PRKCH: variants seen among roughly 807,000 people sequenced by gnomAD.
PRKCH encodes the protein protein kinase C eta type.
PRKCH carries 28 observed loss-of-function variants against 82.5 expected under a neutral mutation model. That is an observed-to-expected ratio of 0.34 (90% CI 0.25 to 0.47). The LOEUF (loss-of-function observed/expected upper bound fraction) is 0.47, where lower values mean the gene tolerates loss of function less well. Ranked by LOEUF, PRKCH falls within the 20% of genes least tolerant of loss-of-function variation. The pLI, the probability that PRKCH is intolerant of heterozygous loss-of-function variation, is 1.00. For missense variants in PRKCH, 705 were observed against 881.8 expected, an observed-to-expected ratio of 0.80 and a Z score of 2.54; for synonymous variants, 322 against 327.4, an observed-to-expected ratio of 0.98 and a Z score of 0.18.
intron 2 of PRKCH, among the ~76,000 whole-genome samples, chr14:61,405,288 A>G (rs992719547): frequency 1.3e-5 from 2 of 152,186 alleles, no homozygotes; most frequent in Non-Finnish European, 2.9e-5. Flanking sequence ...ATTCAGTTCT[A>G]GTTATGGATT....
chr14:61,481,751 A>G (rs1885982784), intron 9 of PRKCH, among the ~76,000 whole-genome samples: 1 of 152,196 alleles, frequency 6.6e-6, no homozygotes, highest in Non-Finnish European at 1.5e-5. Context: ...CTTTCTATGC[A>G]TCTGTCTGCA....
At chr14:61,392,306 G>A (rs1180023164) in intron 2 of PRKCH, among the ~76,000 whole-genome samples, 1 of 152,096 alleles carries the variant, frequency 6.6e-6, no homozygotes, top group Non-Finnish European at 1.5e-5. Context: ...TAATAAAGTA[G>A]GTGTGTGTGT....
rs115019049 is a variant in PRKCH at position 61,249,612 on chromosome 14, A to T, written c.-19+61944A>T. 4.7e-3 allele frequency among the ~76,000 whole-genome samples: 703 copies of T among 150,598 alleles called. 4 individuals carry two copies. The highest frequency in any genetic ancestry group is 0.016 in the African/African-American group (673 of 41,060). On this transcript the variant is annotated intron_variant, in intron 1 of 3. Transcript: ENST00000555185. ...TTACCATTTGCTCCACCAATGGCAA[A>T]TTTTTTTTTATTATTTTTTATTGTT...
chr14:61,321,044 A>C (rs2045612549), upstream of PRKCH, among the ~76,000 whole-genome samples: 1 of 152,212 alleles, frequency 6.6e-6, no homozygotes, highest in African/African-American at 2.4e-5. The surrounding 1 kb of genome is among the most constrained non-coding windows in gnomAD (Gnocchi z 4.1). Context: ...GCCCTATTAA[A>C]ACACACACAT....
chr14:61,394,319 AGG>A (rs2046735504), intron 2 of PRKCH, among the ~76,000 whole-genome samples: 1 of 152,154 alleles, frequency 6.6e-6, no homozygotes, highest in Non-Finnish European at 1.5e-5. Context: ...GCCTGCTCCA[AGG>A]TCTTTTTGCT....
intron 10 of PRKCH, among the ~76,000 whole-genome samples, chr14:61,513,298 G>A (rs577456515): frequency 6.6e-6 from 1 of 152,186 alleles, no homozygotes; most frequent in Admixed American, 6.5e-5. Flanking sequence ...CCTTGTGCCA[G>A]GTACCTTGTT....
rs986810374 is a variant in PRKCH at position 61,298,291 on chromosome 14, C to T, written c.-19+110623C>T. The T allele has an allele frequency of 2.7e-4, 41 of 152,290 alleles. 1 individual carries two copies. Among genetic ancestry groups the T allele is most frequent in the Non-Finnish European group, 1.5e-5 (1 of 68,118 alleles). 9.4% of individuals were successfully genotyped at this position (152,290 alleles called of 1,614,324 possible). On this transcript the variant is annotated intron_variant, in intron 1 of 3. Coordinates refer to the PRKCH transcript ENST00000555185. ...GCCACTTCTTCCACTTGGATGTCTT[C>T]AGGCACTTCTAAACTTAACTCATCC...
At chr14:61,210,786 CTCTCTGTG>C (rs1473619646) in intron 1 of PRKCH, among the ~76,000 whole-genome samples, 332 of 104,024 alleles carry the variant, frequency 3.2e-3, no homozygotes, top group African/African-American at 9.5e-3. Flanking sequence ...CTCTCTCTCT[CTCTCTGTG>C]TGTGTGTGTG....
At chr14:61,447,272 T>C (rs1235728859) in intron 4 of PRKCH, among the ~76,000 whole-genome samples, 1 of 152,254 alleles carries the variant, frequency 6.6e-6, no homozygotes, top group East Asian at 1.9e-4. Context: ...TGTATGTATG[T>C]ACCTAGCAAC....
chr14:61,251,876 G>C (rs1197649000), intron 1 of PRKCH, among the ~76,000 whole-genome samples: 1 of 151,280 alleles, frequency 6.6e-6, no homozygotes, highest in African/African-American at 2.4e-5. Flanking sequence ...GTTTCGCTCT[G>C]TCGCCCAGGC....
chr14:61,381,335 T>G (rs2046506777), intron 1 of PRKCH, among the ~76,000 whole-genome samples: 1 of 152,228 alleles, frequency 6.6e-6, no homozygotes, highest in Admixed American at 6.5e-5. Flanking sequence ...TTTCCTTCAT[T>G]TGAAACCAGT....
rs2045257768 is a variant in PRKCH, at chr14:61,280,938, G to A, written c.-19+93270G>A. ...ACACCGAGCAGTTACCGGTGCCCGG[G>A]TCGCCTGTATAGTCGTACTCCAGCT... is the stretch of plus-strand genomic sequence containing the variant. On this transcript the variant is annotated intron_variant, in intron 1 of 3. Coordinates refer to the PRKCH transcript ENST00000555185. This position sits in a 1 kb window ranked among gnomAD's most constrained non-coding sequence, Gnocchi z 5.0. 1 of 1,538,582 alleles carries A rather than the reference G, an allele frequency of 6.5e-7. No individual in the cohort carries two copies. The highest frequency in any genetic ancestry group is 2.4e-5 in the East Asian group (1 of 41,342).
At chr14:61,426,456 ACTCTTAG>A in intron 2 of PRKCH, among the ~76,000 whole-genome samples, 1 of 152,288 alleles carries the variant, frequency 6.6e-6, no homozygotes. Flanking sequence ...CTGAAGTAAG[ACTCTTAG>A]CTCTTTCACA....
At chr14:61,386,606 T>C (rs974020069) in intron 1 of PRKCH, among the ~76,000 whole-genome samples, 18 of 152,046 alleles carry the variant, frequency 1.2e-4, no homozygotes, top group African/African-American at 4.3e-4. Context: ...GGTGGTGTCC[T>C]GGAAGTAAGG....
chr14:61,219,760 T>G (rs2044641059), intron 1 of PRKCH, among the ~76,000 whole-genome samples: 1 of 152,222 alleles, frequency 6.6e-6, no homozygotes, highest in South Asian at 2.1e-4. Flanking sequence ...TGTGTCAAGT[T>G]TTTCAGCTTT....
intron 1 of PRKCH, among the ~76,000 whole-genome samples, chr14:61,269,261 T>G (rs936800575): frequency 1.3e-5 from 2 of 152,166 alleles, no homozygotes; most frequent in Non-Finnish European, 2.9e-5. Flanking sequence ...AATGATAAAT[T>G]TTTTGATCAC....
At chr14:61,423,943 G>A (rs1882984999) in intron 2 of PRKCH, among the ~76,000 whole-genome samples, 2 of 152,166 alleles carry the variant, frequency 1.3e-5, no homozygotes, top group African/African-American at 2.4e-5. Flanking sequence ...GGAGGTGATT[G>A]GATCATGGGA....
rs1303529435 is a variant in PRKCH, at chr14:61,510,820, T to C, written c.1434-18255T>C. Among the ~76,000 whole-genome samples, 4 of 152,226 alleles carry C rather than the reference T, an allele frequency of 2.6e-5. No homozygotes were observed. In the East Asian group the frequency reaches 7.7e-4, roughly 29 times the overall value. ...CCGTATCCTAGTCATTGTAGATTTG[T>C]GCAATGATTGAATTTTCTGGCAGAT... On this transcript the variant is annotated intron_variant, in intron 10 of 13. Coordinates refer to ENST00000332981, the MANE Select transcript of PRKCH (RefSeq NM_006255.5).
intron 1 of PRKCH, chr14:61,279,746 G>T: frequency 4.2e-6 from 1 of 235,972 alleles, no homozygotes; most frequent in Middle Eastern, 1.6e-3. Flanking sequence ...ACTTCACATT[G>T]CTAGGTCTCT....
Sources: allele counts gnomAD v4.1 joint callset (sites outside exome capture counted in the v4.1 genomes callset), GRCh38; gene constraint gnomAD v4.1.1; non-coding constraint Gnocchi (gnomAD v3.1); transcripts MANE v1.5; gene names NCBI Gene and HGNC (gene_info 2026-07-23, HGNC 2026-07-21).